The following RIF1 variants were observed in gnomAD, a reference collection of about 807,000 sequenced individuals.
RIF1 encodes telomere-associated protein RIF1.
A neutral mutation model predicts 247.1 loss-of-function variants in RIF1; 45 were observed. The observed-to-expected ratio is 0.18, with a 90% CI of 0.14 to 0.23. RIF1 has a LOEUF of 0.23. Among genes scored for constraint, RIF1 ranks in the 10% least tolerant of loss-of-function variants. The probability of loss-of-function intolerance (pLI) is 1.00; values close to 1 mark genes in which losing one functional copy is unlikely to be tolerated. For synonymous variants in RIF1, 1,087 were observed against 978.8 expected, an observed-to-expected ratio of 1.11 and a Z score of -2.06; for missense variants, 2,967 against 2,862.5, an observed-to-expected ratio of 1.04 and a Z score of -0.83.
At chr2:151,460,808 C>A (rs919554103) in intron 26 of RIF1, among the ~76,000 whole-genome samples, 2 of 152,208 alleles carry the variant, frequency 1.3e-5, no homozygotes, top group African/African-American at 4.8e-5. Context: ...CTAAGTCATG[C>A]CTCAACTTGA....
At chr2:151,448,285 T>G (rs573998283) in intron 20 of RIF1, among the ~76,000 whole-genome samples, 4 of 152,202 alleles carry the variant, frequency 2.6e-5, no homozygotes, top group Admixed American at 2.6e-4. Context: ...CTCAGGTGAT[T>G]AGCCCACCTC....
chr2:151,426,490 A>T (rs540813002), intron 8 of RIF1, among the ~76,000 whole-genome samples: 38 of 151,480 alleles, frequency 2.5e-4, no homozygotes, highest in South Asian at 1.7e-3. Context: ...GCTTTTTGAG[A>T]CTGCAATTCC....
At chr2:151,512,618 T>C (rs1309952019), downstream of RIF1, 30 of 826,348 alleles carry the variant, frequency 3.6e-5, no homozygotes, top group Non-Finnish European at 5.8e-5. Context: ...CTGGTGAATC[T>C]CTTTTTTATT....
the RIF1 span, among the ~76,000 whole-genome samples, chr2:151,517,553 G>A: frequency 6.6e-6 from 1 of 152,162 alleles, no homozygotes; most frequent in South Asian, 2.1e-4. Context: ...TTATGAGAAA[G>A]GCTTTGTTAT....
chr2:151,481,671 G>A lies in RIF1; in HGVS notation c.*6600G>A, dbSNP rs553167824. ...AACAGAAGTACTTGTTCATTCCTCA[G>A]TTACCTGCAAATAATGGAAATAATG... On this transcript the variant is annotated 3_prime_UTR_variant, in exon 36 of 36. Transcript: ENST00000444746. The A allele has an allele frequency of 2.6e-5, 4 of 152,186 alleles. No homozygotes were observed. The highest frequency in any genetic ancestry group is 7.2e-5 in the African/African-American group (3 of 41,440). The allele number at this position is 152,186 out of a possible 1,614,324, so 9.4% of individuals were successfully genotyped here.
intron 9 of RIF1, chr2:151,491,613 A>G: frequency 4.6e-6 from 6 of 1,296,268 alleles, no homozygotes; most frequent in East Asian, 2.5e-5. Context: ...TCAGAGCCCA[A>G]ATGAAAGTCA....
intron 34 of RIF1, 63 bp from the exon 35 acceptor site, chr2:151,473,901 A>C (rs889944951): frequency 1.9e-5 from 16 of 852,090 alleles, no homozygotes; most frequent in Non-Finnish European, 3.0e-5. Flanking sequence ...TCCTATTAAA[A>C]GTAAAGTTTC....
In RIF1 at chr2:151,475,255, C is replaced by CTTT. The variant is rs34575263; in HGVS notation, c.*192_*194dup. 4.2e-4 allele frequency: 204 copies of CTTT among 490,010 alleles called. No homozygotes were observed. Among genetic ancestry groups the CTTT allele is most frequent in the East Asian group, 2.1e-3 (59 of 27,962 alleles). 30.4% of individuals were successfully genotyped at this position (490,010 alleles called of 1,614,324 possible). ...TTTTGTAAGTTCATTATGTAAGATCCTTTTTTTTTTCATAATATGTATTCT... is the reference window on the plus strand; with the variant it reads ...TTTTGTAAGTTCATTATGTAAGATCCTTTTTTTTTTTTTCATAATATGTATTCT... On this transcript the variant is annotated 3_prime_UTR_variant, in exon 36 of 36. Coordinates refer to ENST00000444746, the MANE Select transcript of RIF1 (RefSeq NM_018151.5).
Position 151,464,530 on chromosome 2 carries a change from A to G in RIF1, c.5010A>G (p.Pro1670=), listed in dbSNP as rs367837370. The G allele has an allele frequency of 1.1e-4, 180 of 1,611,678 alleles. No individual in the cohort carries two copies. The highest frequency in any genetic ancestry group is 1.4e-4 in the Non-Finnish European group (170 of 1,179,192). Residue 1670 remains proline (P), a synonymous_variant, in exon 30 of 36, where the codon CCA becomes CCG. Transcript: ENST00000444746. ...ATTCCTTTACAAGTCTACCTGTGCC[A>G]GAATCAAATCTAAGGACTAGAAATG... ...AEYSFTSLPV[P]ESNLRTRNAI...
the RIF1 span, among the ~76,000 whole-genome samples, chr2:151,531,414 T>C: frequency 7.0e-6 from 1 of 143,750 alleles, no homozygotes; most frequent in Admixed American, 7.5e-5. Flanking sequence ...TCTCCTGGGC[T>C]CAAGCAATTG....
chr2:151,490,565 A>C, intron 9 of RIF1: 1 of 1,582,882 alleles, frequency 6.3e-7, no homozygotes, highest in Non-Finnish European at 8.6e-7. Flanking sequence ...TGAAATTTCT[A>C]TGGTAGTAAT....
Position 151,477,364 on chromosome 2 carries a change from C to T in RIF1, c.*2293C>T, listed in dbSNP as rs1402633747. On this transcript the variant is annotated 3_prime_UTR_variant, in exon 36 of 36. Transcript: ENST00000444746. ...TAACACTCAAATGTGTCTTAATTGT[C>T]TTATGCATATTTAAGAAGAAAAAAC... 1 of 151,150 alleles carries T rather than the reference C, an allele frequency of 6.6e-6. No individual in the cohort carries two copies. Among genetic ancestry groups the T allele is most frequent in the Non-Finnish European group, 1.5e-5 (1 of 67,910 alleles). The allele number at this position is 151,150 out of a possible 1,614,324, so 9.4% of individuals were successfully genotyped here. A position where few individuals can be genotyped will look rare whatever the true frequency, so the allele number is the denominator to read the frequency against.
At chr2:151,514,439 A>T in the RIF1 span, 4 of 1,569,014 alleles carry the variant, frequency 2.5e-6, no homozygotes, top group African/African-American at 5.4e-5. Context: ...CTATATCATG[A>T]AAGAAAAGCA....
chr2:151,410,195 G>T (rs999917592), intron 1 of RIF1, 162 bp downstream of exon 1: 30 of 639,570 alleles, frequency 4.7e-5, no homozygotes, highest in Non-Finnish European at 7.6e-5. Context: ...TGGCGGGAGC[G>T]GGCCCAGGCC....
At chr2:151,514,917 C>T in the RIF1 span, 4 of 1,564,220 alleles carry the variant, frequency 2.6e-6, no homozygotes, top group Non-Finnish European at 3.5e-6. Context: ...CATAATCTTT[C>T]CTATATTCTT....
intron 6 of RIF1, among the ~76,000 whole-genome samples, chr2:151,419,599 C>T (rs555227822): frequency 6.6e-6 from 1 of 152,268 alleles, no homozygotes; most frequent in East Asian, 1.9e-4. Flanking sequence ...GCTGAGATTA[C>T]AGGTGTGAGC....
In RIF1 at chr2:151,503,471, G is replaced by C. The variant is rs756951729; in HGVS notation, c.*861+286G>C. The C allele has an allele frequency of 2.7e-6, 4 of 1,480,170 alleles. No homozygotes were observed. The South Asian group carries it at 4.6e-5, about 17-fold the overall frequency. 91.7% of individuals were successfully genotyped at this position (1,480,170 alleles called of 1,614,324 possible). On this transcript the variant is annotated intron_variant and NMD_transcript_variant, in intron 12 of 13. Coordinates refer to the RIF1 transcript ENST00000454583. ...AGAAAATAATTAGAATACCCAGAAAGGTAAAATGACCGTAAATCCTTTAGA... is the reference window on the plus strand; with the variant it reads ...AGAAAATAATTAGAATACCCAGAAACGTAAAATGACCGTAAATCCTTTAGA...
In RIF1 at chr2:151,458,941, T is replaced by G. The variant is rs145340377; in HGVS notation, c.2955+31T>G. The G allele has an allele frequency of 3.8e-6, 5 of 1,318,516 alleles. No homozygotes were observed. In the African/African-American group the frequency reaches 7.4e-5, roughly 20 times the overall value. The allele number at this position is 1,318,516 out of a possible 1,614,324, so 81.7% of individuals were successfully genotyped here. A position where few individuals can be genotyped will look rare whatever the true frequency, so the allele number is the denominator to read the frequency against. On this transcript the variant is annotated intron_variant, in intron 25 of 35. Coordinates refer to ENST00000444746, the MANE Select transcript of RIF1 (RefSeq NM_018151.5). ...TTGGGGGGTTTTATTGTTCATTTGTTTTTGGACATTTAAGTTATTTGTTGA... is the reference window on the plus strand; with the variant it reads ...TTGGGGGGTTTTATTGTTCATTTGTGTTTGGACATTTAAGTTATTTGTTGA...
chr2:151,411,271 G>T lies in RIF1; in HGVS notation c.116G>T (p.Gly39Val), dbSNP rs1558921402. 1 of 1,597,592 alleles carries T rather than the reference G, an allele frequency of 6.3e-7. No homozygotes were observed. Among genetic ancestry groups the T allele is most frequent in the Admixed American group, 1.7e-5 (1 of 58,012 alleles). ...TCCTGCTTTTTAAGTCGTATGACTGGAGAAGAAGGAAAAGAAGTAATTACA... is the reference window on the plus strand; with the variant it reads ...TCCTGCTTTTTAAGTCGTATGACTGTAGAAGAAGGAAAAGAAGTAATTACA... ...AYLTLTSRMT[G>V]EEGKEVITEI... The change falls in exon 3 of 36, where the codon GGA (glycine) becomes GTA (valine). Residue 39 changes from glycine (G) to valine (V), a missense_variant. Gly to Val is a moderately radical substitution (Grantham distance 109, BLOSUM62 -3). Coordinates refer to ENST00000444746, the MANE Select transcript of RIF1 (RefSeq NM_018151.5).
Sources: allele counts gnomAD v4.1 joint callset (sites outside exome capture counted in the v4.1 genomes callset), GRCh38; gene constraint gnomAD v4.1.1; transcripts MANE v1.5; gene names NCBI Gene and HGNC (gene_info 2026-07-23, HGNC 2026-07-21).